Variants in SCHIP1 observed in about 807,000 individuals in gnomAD.
SCHIP1 encodes schwannomin interacting protein 1, also known as schwannomin-interacting protein 1.
In SCHIP1, 8 loss-of-function variants were observed where a neutral mutation model predicts 29.7. The ratio of observed to expected loss-of-function variants is 0.27; its 90% CI spans 0.16 to 0.49. The LOEUF (loss-of-function observed/expected upper bound fraction) is 0.49, where lower values mean the gene tolerates loss of function less well. Ranked by LOEUF, SCHIP1 falls within the 20% of genes least tolerant of loss-of-function variation. The probability of loss-of-function intolerance (pLI) is 0.99; values close to 1 mark genes in which losing one functional copy is unlikely to be tolerated. For synonymous variants in SCHIP1, 76 were observed against 94.9 expected, an observed-to-expected ratio of 0.80 and a Z score of 1.16; for missense variants, 193 against 294.6, an observed-to-expected ratio of 0.66 and a Z score of 2.52.
the SCHIP1 span, among the ~76,000 whole-genome samples, chr3:159,553,327 G>A: frequency 1.3e-5 from 2 of 150,728 alleles, no homozygotes; most frequent in Admixed American, 6.6e-5. Context: ...AGGGGTGAGA[G>A]AAAAGTGTTA....
the SCHIP1 span, among the ~76,000 whole-genome samples, chr3:159,743,296 A>C: frequency 1.2e-4 from 18 of 152,352 alleles, no homozygotes; most frequent in African/African-American, 4.1e-4. Flanking sequence ...TAAAAAATAA[A>C]GAGCCTGCCA....
At chr3:159,602,260 G>A in the SCHIP1 span, among the ~76,000 whole-genome samples, 1 of 152,064 alleles carries the variant, frequency 6.6e-6, no homozygotes, top group African/African-American at 2.4e-5. Flanking sequence ...TGTTTCCCAC[G>A]AGTTTTTTGT....
chr3:159,788,547 A>G, the SCHIP1 span, among the ~76,000 whole-genome samples: 4 of 152,304 alleles, frequency 2.6e-5, no homozygotes, highest in East Asian at 5.8e-4. Context: ...TTATTGCCCA[A>G]AGGAATTCAG....
chr3:159,715,118 T>C, the SCHIP1 span, among the ~76,000 whole-genome samples: 1 of 152,196 alleles, frequency 6.6e-6, no homozygotes, highest in Non-Finnish European at 1.5e-5. Context: ...CTGCTGGTAA[T>C]ACCCAGGCAA....
At chr3:159,463,702 T>C in the SCHIP1 span, among the ~76,000 whole-genome samples, 3 of 151,922 alleles carry the variant, frequency 2.0e-5, no homozygotes, top group Middle Eastern at 0.01. Flanking sequence ...CTTGTCCCCA[T>C]ATCCCCAAGT....
chr3:159,703,343 A>C, the SCHIP1 span, among the ~76,000 whole-genome samples: 4,652 of 152,304 alleles, frequency 0.031, 115 homozygotes, highest in East Asian at 0.061. Flanking sequence ...AAAGCATTTC[A>C]TCTTATTAAC....
the SCHIP1 span, among the ~76,000 whole-genome samples, chr3:159,292,521 T>A: frequency 9.5e-4 from 145 of 152,156 alleles, no homozygotes; most frequent in African/African-American, 3.3e-3. Flanking sequence ...AAGGGGGGCA[T>A]GAAATAACTA....
chr3:159,431,806 T>G, the SCHIP1 span, among the ~76,000 whole-genome samples: 1 of 136,662 alleles, frequency 7.3e-6, no homozygotes, highest in African/African-American at 2.9e-5. Context: ...AGATTCCATC[T>G]CAAAAAAAAA....
the SCHIP1 span, among the ~76,000 whole-genome samples, chr3:159,535,880 A>G: frequency 5.3e-5 from 8 of 152,222 alleles, no homozygotes; most frequent in African/African-American, 1.9e-4. Context: ...TTCTTAGCTC[A>G]TGGGCTATAG....
the SCHIP1 span, among the ~76,000 whole-genome samples, chr3:159,627,559 T>A: frequency 3.3e-5 from 5 of 152,182 alleles, no homozygotes; most frequent in Non-Finnish European, 7.4e-5. Flanking sequence ...GGTTAGAAAC[T>A]GGTTGAGCCA....
At chr3:159,383,464 T>C in the SCHIP1 span, among the ~76,000 whole-genome samples, 1 of 152,044 alleles carries the variant, frequency 6.6e-6, no homozygotes, top group Non-Finnish European at 1.5e-5. Flanking sequence ...TCCATTGATC[T>C]ATATCTCTCT....
the SCHIP1 span, among the ~76,000 whole-genome samples, chr3:159,550,562 A>G: frequency 6.6e-6 from 1 of 152,120 alleles, no homozygotes; most frequent in African/African-American, 2.4e-5. Flanking sequence ...CATGGCATTA[A>G]TTTCATTTCC....
chr3:159,348,570 A>G, the SCHIP1 span, among the ~76,000 whole-genome samples: 2 of 152,180 alleles, frequency 1.3e-5, no homozygotes, highest in Admixed American at 6.6e-5. Context: ...CAAAGTAGCT[A>G]TAAAATATGT....
the SCHIP1 span, among the ~76,000 whole-genome samples, chr3:159,341,483 G>A: frequency 2.0e-5 from 3 of 152,152 alleles, no homozygotes; most frequent in African/African-American, 7.2e-5. Flanking sequence ...AAAGTTGGCA[G>A]GTAGATGCAT....
intron 2 of SCHIP1, among the ~76,000 whole-genome samples, chr3:159,883,103 C>A (rs1431924444): frequency 6.6e-6 from 1 of 152,166 alleles, no homozygotes; most frequent in East Asian, 1.9e-4. Context: ...CTGGGATAAC[C>A]AAGACAGACC....
At chr3:159,644,810 G>A in the SCHIP1 span, among the ~76,000 whole-genome samples, 92 of 152,050 alleles carry the variant, frequency 6.1e-4, no homozygotes, top group Admixed American at 1.2e-3. Context: ...CTGCAACGTG[G>A]GAAAGAGACT....
the SCHIP1 span, among the ~76,000 whole-genome samples, chr3:159,590,444 C>T: frequency 1.6e-4 from 24 of 152,158 alleles, no homozygotes; most frequent in Non-Finnish European, 2.8e-4. Flanking sequence ...GGCACAGTGG[C>T]GCACACCTGT....
the SCHIP1 span, among the ~76,000 whole-genome samples, chr3:159,507,070 T>C: frequency 1.3e-5 from 2 of 152,252 alleles, no homozygotes; most frequent in Non-Finnish European, 2.9e-5. Flanking sequence ...TGTGGCCATT[T>C]TCACGATATT....
the SCHIP1 span, among the ~76,000 whole-genome samples, chr3:159,511,564 C>T: frequency 6.6e-6 from 1 of 152,162 alleles, no homozygotes; most frequent in Non-Finnish European, 1.5e-5. Flanking sequence ...GTCACTCACT[C>T]TTGGAGCTGT....
Sources: gnomAD v4.1 joint callset for allele counts (sites outside exome capture counted in the v4.1 genomes callset) on GRCh38, gnomAD v4.1.1 for gene constraint, MANE v1.5 for transcripts, NCBI Gene and HGNC (gene_info 2026-07-23, HGNC 2026-07-21) for gene names.